The following LDLRAD3 variants were observed in gnomAD, a reference collection of about 807,000 sequenced individuals.
LDLRAD3 encodes low density lipoprotein receptor class A domain containing 3, also known as low-density lipoprotein receptor class A domain-containing protein 3.
LDLRAD3 carries 20 observed loss-of-function variants against 29.4 expected under a neutral mutation model. The observed-to-expected ratio is 0.68, with a 90% CI of 0.48 to 0.99. LDLRAD3 has a LOEUF of 0.99. Among genes scored for constraint, LDLRAD3 ranks in the 50% least tolerant of loss-of-function variants. LDLRAD3 has a pLI of 0.00. For missense variants in LDLRAD3, 420 were observed against 454.3 expected (o/e 0.92, Z 0.69); for synonymous variants, 157 against 192.7 (o/e 0.81, Z 1.53).
chr11:36,160,366 C>T (rs114673019), intron 4 of LDLRAD3, among the ~76,000 whole-genome samples: 155 of 152,176 alleles, frequency 1.0e-3, no homozygotes, highest in African/African-American at 3.4e-3. Context: ...AGATAAGGCC[C>T]GTGGGAGTGA....
chr11:36,093,688 G>A (rs11033415), intron 3 of LDLRAD3, among the ~76,000 whole-genome samples: 30,105 of 152,072 alleles, frequency 0.2, 3,454 homozygotes, highest in Admixed American at 0.3. Flanking sequence ...TTGTACCCAC[G>A]TTCAGTGGTT....
At chr11:36,217,733 C>T (rs954387846) in intron 4 of LDLRAD3, among the ~76,000 whole-genome samples, 2 of 152,180 alleles carry the variant, frequency 1.3e-5, no homozygotes, top group Non-Finnish European at 2.9e-5. Flanking sequence ...GAGTCTGTTC[C>T]ATGCCTCATT....
At chr11:35,957,911 C>T (rs900767842) in intron 1 of LDLRAD3, among the ~76,000 whole-genome samples, 1 of 151,986 alleles carries the variant, frequency 6.6e-6, no homozygotes, top group African/African-American at 2.4e-5. Context: ...AGAAATTACC[C>T]GTTGACTCCA....
intron 2 of LDLRAD3, among the ~76,000 whole-genome samples, chr11:36,062,527 CCTGACTGACATGGTTTGG>C (rs1278102446): frequency 1.3e-5 from 2 of 152,134 alleles, no homozygotes; most frequent in Non-Finnish European, 2.9e-5. Flanking sequence ...AATCCATCTC[CCTGACTGACATGGTTTGG>C]CTGTGTCCCC....
At chr11:36,099,433 A>AT (rs1204873383) in intron 4 of LDLRAD3, among the ~76,000 whole-genome samples, 3 of 152,048 alleles carry the variant, frequency 2.0e-5, no homozygotes, top group Admixed American at 2.0e-4. Flanking sequence ...AATCTTTCCT[A>AT]TTTTCACTTA....
At chr11:36,131,832 G>T (rs1853930255) in intron 4 of LDLRAD3, among the ~76,000 whole-genome samples, 1 of 152,134 alleles carries the variant, frequency 6.6e-6, no homozygotes, top group South Asian at 2.1e-4. Context: ...TTGCCTCATT[G>T]AACCCACCTG....
intron 4 of LDLRAD3, among the ~76,000 whole-genome samples, chr11:36,144,628 A>G (rs1241186243): frequency 7.9e-6 from 1 of 127,386 alleles, no homozygotes; most frequent in African/African-American, 3.2e-5. Flanking sequence ...GCCCCGTCTG[A>G]GAAGTGAGAA....
chr11:36,004,429 G>A (rs1208196971), intron 1 of LDLRAD3, among the ~76,000 whole-genome samples: 1 of 152,138 alleles, frequency 6.6e-6, no homozygotes, highest in Non-Finnish European at 1.5e-5. Flanking sequence ...CACATCCAGG[G>A]CACACCGATG....
At chr11:35,987,299 T>C (rs1462596653) in intron 1 of LDLRAD3, among the ~76,000 whole-genome samples, 1 of 152,204 alleles carries the variant, frequency 6.6e-6, no homozygotes, top group African/African-American at 2.4e-5. Context: ...CTGTGCAGGT[T>C]TGTAACATGA....
chr11:36,196,029 C>CA (rs35180520), intron 4 of LDLRAD3, among the ~76,000 whole-genome samples: 62,405 of 138,394 alleles, frequency 0.45, 14,189 homozygotes, highest in Middle Eastern at 0.55. Flanking sequence ...CCCCAAAAGA[C>CA]AAAAAAAAAA....
At chr11:35,995,252 G>A (rs1851739569) in intron 1 of LDLRAD3, among the ~76,000 whole-genome samples, 1 of 152,218 alleles carries the variant, frequency 6.6e-6, no homozygotes, top group African/African-American at 2.4e-5. Context: ...CAGAATGGAT[G>A]TTGTGTTAGC....
intron 1 of LDLRAD3, among the ~76,000 whole-genome samples, chr11:35,949,492 C>G (rs1851103827): frequency 1.3e-5 from 2 of 152,190 alleles, no homozygotes; most frequent in Non-Finnish European, 2.9e-5. Context: ...CTTTCCCTCC[C>G]CATAATTCCT....
chr11:35,950,146 G>A (rs1045278434), intron 1 of LDLRAD3, among the ~76,000 whole-genome samples: 7 of 152,032 alleles, frequency 4.6e-5, no homozygotes, highest in South Asian at 2.1e-4. Context: ...GACCTTCTTC[G>A]TTATCTGGGA....
rs1428810259 is a variant in LDLRAD3 at position 36,144,564 on chromosome 11, G to A, written c.454+46103G>A. Among the ~76,000 whole-genome samples the A allele has an allele frequency of 1.1e-4, 16 of 149,250 alleles. No homozygotes were observed. In the East Asian group the frequency reaches 2.9e-3, roughly 27 times the overall value. On this transcript the variant is annotated intron_variant, in intron 4 of 5. Coordinates refer to ENST00000315571, the MANE Select transcript of LDLRAD3 (RefSeq NM_174902.4). ...CCGCCCCGTCTGGGATGTGAGGAGC[G>A]TCTCTGCCCGGCCGCCCCGTCTGAG...
intron 1 of LDLRAD3, among the ~76,000 whole-genome samples, chr11:36,029,527 AC>A (rs1246056932): frequency 6.6e-6 from 1 of 152,060 alleles, no homozygotes; most frequent in African/African-American, 2.4e-5. Context: ...GGCTCTGCAA[AC>A]CCCCACTAGA....
chr11:36,051,624 GTTGTAAACGCTTGCCTGC>G, intron 2 of LDLRAD3, among the ~76,000 whole-genome samples: 1 of 152,196 alleles, frequency 6.6e-6, no homozygotes, highest in Admixed American at 6.5e-5. Flanking sequence ...GGTAAAAAAG[GTTGTAAACGCTTGCCTGC>G]CATCATCTGT....
intron 1 of LDLRAD3, among the ~76,000 whole-genome samples, chr11:35,992,494 A>G (rs1013880877): frequency 1.3e-5 from 2 of 152,244 alleles, no homozygotes; most frequent in Non-Finnish European, 2.9e-5. Flanking sequence ...TATCTATACA[A>G]TGGGATATTA....
chr11:36,113,214 A>C (rs1027590152), intron 4 of LDLRAD3, among the ~76,000 whole-genome samples: 9 of 151,940 alleles, frequency 5.9e-5, no homozygotes, highest in Admixed American at 5.9e-4. Flanking sequence ...GTAAGCTGCC[A>C]TAACAAAGAG....
intron 1 of LDLRAD3, among the ~76,000 whole-genome samples, chr11:36,000,510 AT>A (rs1851810174): frequency 6.6e-6 from 1 of 152,174 alleles, no homozygotes; most frequent in African/African-American, 2.4e-5. Flanking sequence ...AAGATAGGAA[AT>A]GATGGCAGAA....
Sources: allele counts gnomAD v4.1 joint callset (sites outside exome capture counted in the v4.1 genomes callset), GRCh38; gene constraint gnomAD v4.1.1; transcripts MANE v1.5; gene names NCBI Gene and HGNC (gene_info 2026-07-23, HGNC 2026-07-21).